The following TLE4 variants were observed in gnomAD, a reference collection of about 807,000 sequenced individuals.
TLE4 encodes the protein transducin-like enhancer protein 4.
TLE4 carries 8 observed loss-of-function variants against 92.8 expected under a neutral mutation model. The observed-to-expected ratio is 0.09, with a 90% confidence interval of 0.05 to 0.16. The LOEUF is 0.16. Among genes scored for constraint, TLE4 ranks in the 10% least tolerant of loss-of-function variants. The pLI, the probability that TLE4 is intolerant of heterozygous loss-of-function variation, is 1.00. For missense variants in TLE4, 675 were observed against 997.6 expected, an observed-to-expected ratio of 0.68 and a Z score of 4.36; for synonymous variants, 371 against 374.1, an observed-to-expected ratio of 0.99 and a Z score of 0.10.
At chr9:79,632,677 G>A (rs2054619472) in intron 6 of TLE4, among the ~76,000 whole-genome samples, 1 of 152,150 alleles carries the variant, frequency 6.6e-6, no homozygotes, top group South Asian at 2.1e-4. Flanking sequence ...AAACTTACAG[G>A]TGAGCTTCTC....
intron 5 of TLE4, among the ~76,000 whole-genome samples, chr9:79,619,942 T>A (rs2050561155): frequency 6.6e-6 from 1 of 152,252 alleles, no homozygotes; most frequent in South Asian, 2.1e-4. Flanking sequence ...TGGCTTGCTG[T>A]ACCTGACCAT....
Position 79,708,155 on chromosome 9 carries a change from C to A in TLE4, c.974C>A (p.Thr325Asn). Residue 325 changes from threonine to asparagine, a missense_variant, in exon 12 of 20, where the codon ACC becomes AAC. Thr to Asn is a moderately conservative substitution (Grantham distance 65). This residue lies in a region of TLE4 where 280 missense variants were observed against 287.3 expected (regional missense o/e 0.97). Coordinates refer to ENST00000376552, the MANE Select transcript of TLE4 (RefSeq NM_007005.6). ...KSTTPVSKSNTPTPRTDAPTP... is the reference protein window; with the variant it reads ...KSTTPVSKSNNPTPRTDAPTP... ...ACTACTCCCGTCTCAAAGTCCAATA[C>A]CCCTACTCCACGAACTGATGCGCCC... The A allele has an allele frequency of 6.2e-7, 1 of 1,614,120 alleles. No homozygotes were observed. The highest frequency in any genetic ancestry group is 8.5e-7 in the Non-Finnish European group (1 of 1,179,998).
At chr9:79,590,390 G>C (rs2042258137) in intron 4 of TLE4, among the ~76,000 whole-genome samples, 1 of 152,228 alleles carries the variant, frequency 6.6e-6, no homozygotes, top group East Asian at 1.9e-4. Flanking sequence ...ACCCCTACTT[G>C]CTTGTAAGTT....
intron 1 of TLE4, 105 bp downstream of exon 1, chr9:79,572,940 C>T: frequency 8.1e-7 from 1 of 1,231,706 alleles, no homozygotes; most frequent in South Asian, 1.5e-5. Context: ...CGTGGAGAGC[C>T]GCCCGAAATC....
intron 6 of TLE4, chr9:79,649,343 G>A (rs2058586903): frequency 6.4e-6 from 1 of 156,238 alleles, no homozygotes; most frequent in Admixed American, 6.5e-5. Flanking sequence ...GGGTATTGTA[G>A]TTAAATTTAA....
chr9:79,709,525 G>T (rs2072670907), intron 13 of TLE4, 98 bp from the exon 14 acceptor site: 2 of 970,646 alleles, frequency 2.1e-6, no homozygotes, highest in Non-Finnish European at 3.2e-6. Context: ...ATTTTTAAAG[G>T]ATCTATTCTC....
intron 3 of TLE4, among the ~76,000 whole-genome samples, chr9:79,575,201 TAAAAAC>T: frequency 6.6e-6 from 1 of 152,268 alleles, no homozygotes; most frequent in African/African-American, 2.4e-5. Context: ...CGAAAAAAAA[TAAAAAC>T]AAAACCTTGT....
At chr9:79,635,502 A>G (rs551934284) in intron 6 of TLE4, among the ~76,000 whole-genome samples, 8 of 151,078 alleles carry the variant, frequency 5.3e-5, no homozygotes, top group Non-Finnish European at 1.0e-4. Flanking sequence ...GGTTTCTTGT[A>G]GAAGTTTTAC....
intron 8 of TLE4, among the ~76,000 whole-genome samples, chr9:79,701,331 C>T (rs11138337): frequency 0.1 from 15,458 of 152,196 alleles, 880 homozygotes; most frequent in African/African-American, 0.14. Context: ...AAAAATACAA[C>T]GCTGCCTGCA....
intron 4 of TLE4, among the ~76,000 whole-genome samples, chr9:79,586,666 G>A (rs568952009): frequency 6.6e-6 from 1 of 152,258 alleles, no homozygotes; most frequent in South Asian, 2.1e-4. Context: ...GTAAATAAAT[G>A]ACTTAATCAT....
At chr9:79,620,109 C>T (rs556486367) in intron 5 of TLE4, among the ~76,000 whole-genome samples, 2 of 152,270 alleles carry the variant, frequency 1.3e-5, no homozygotes, top group South Asian at 2.1e-4. Flanking sequence ...CAACCTTTAT[C>T]TGTATGTCTC....
intron 8 of TLE4, among the ~76,000 whole-genome samples, chr9:79,687,132 T>G (rs2066035269): frequency 1.3e-5 from 2 of 152,206 alleles, no homozygotes; most frequent in African/African-American, 4.8e-5. Flanking sequence ...ATTGCCTCAG[T>G]TTGCGTTTAT....
chr9:79,658,774 A>C (rs534736402), intron 8 of TLE4, among the ~76,000 whole-genome samples: 3 of 152,232 alleles, frequency 2.0e-5, no homozygotes, highest in Non-Finnish European at 4.4e-5. Context: ...TTAGAAGTAC[A>C]TATTGTAAAA....
rs1198087783 is a variant in TLE4, at chr9:79,725,933, A to G, written c.*789A>G. ...GATGAACAAATTAAATTTGGCCTCA[A>G]AGAGAGAACTTACTCCCTTCTGGAT... On this transcript the variant is annotated 3_prime_UTR_variant, in exon 20 of 20. Coordinates refer to ENST00000376552, the MANE Select transcript of TLE4 (RefSeq NM_007005.6). 1 of 152,618 alleles carries G rather than the reference A, an allele frequency of 6.6e-6. No individual in the cohort carries two copies. The highest frequency in any genetic ancestry group is 2.4e-5 in the African/African-American group (1 of 41,446). The allele number at this position is 152,618 out of a possible 1,614,324, so 9.5% of individuals were successfully genotyped here. A position where few individuals can be genotyped will look rare whatever the true frequency, so the allele number is the denominator to read the frequency against.
rs938142420 is a variant in TLE4, at chr9:79,598,263, GA to G, written c.253-14381del. On this transcript the variant is annotated intron_variant, in intron 4 of 19. Coordinates refer to ENST00000376552, the MANE Select transcript of TLE4 (RefSeq NM_007005.6). ...GACTCCGTCTCAAAAAAAAAAAAAA[GA>G]AAAAAAAAAAAGACTCACTACGAGT... 3.1e-3 allele frequency among the ~76,000 whole-genome samples: 401 copies of G among 128,862 alleles called. 1 individual carries two copies. The highest frequency in any genetic ancestry group is 5.9e-3 in the African/African-American group (206 of 35,034). 84.5% of individuals were successfully genotyped at this position (128,862 alleles called of 152,430 possible). A position where few individuals can be genotyped will look rare whatever the true frequency, so the allele number is the denominator to read the frequency against.
At chr9:79,683,490 T>A (rs961479460) in intron 8 of TLE4, among the ~76,000 whole-genome samples, 4 of 152,210 alleles carry the variant, frequency 2.6e-5, no homozygotes, top group Admixed American at 6.5e-5. Flanking sequence ...ACCATTACTC[T>A]GGTCCCTTAA....
chr9:79,690,277 G>A (rs2066774620), intron 8 of TLE4, among the ~76,000 whole-genome samples: 1 of 152,164 alleles, frequency 6.6e-6, no homozygotes, highest in Non-Finnish European at 1.5e-5. Flanking sequence ...GTGTCAGTGG[G>A]TAAATTTCAC....
chr9:79,615,615 G>C (rs866759669), intron 5 of TLE4, among the ~76,000 whole-genome samples: 1 of 150,974 alleles, frequency 6.6e-6, no homozygotes, highest in African/African-American at 2.5e-5. Context: ...TATTGCTTGC[G>C]TCTGGTTTAC....
chr9:79,722,906 G>C, intron 18 of TLE4, 53 bp from the exon 19 acceptor site: 1 of 1,532,018 alleles, frequency 6.5e-7, no homozygotes, highest in Non-Finnish European at 9.0e-7. Flanking sequence ...GCAAATCTTG[G>C]TGTCTGACAG....
Sources: gnomAD v4.1 joint callset for allele counts (sites outside exome capture counted in the v4.1 genomes callset) on GRCh38, gnomAD v4.1.1 for gene constraint, gnomAD v4.1.1 regional missense constraint, MANE v1.5 for transcripts, NCBI Gene and HGNC (gene_info 2026-07-23, HGNC 2026-07-21) for gene names.